The following DCLK1 variants were observed in gnomAD, a reference collection of about 807,000 sequenced individuals.
DCLK1 encodes the protein serine/threonine-protein kinase DCLK1.
DCLK1 carries 16 observed loss-of-function variants against 86.2 expected under a neutral mutation model. The observed-to-expected ratio is 0.19, with a 90% confidence interval of 0.13 to 0.28. The LOEUF is 0.28. Among genes scored for constraint, DCLK1 ranks in the 10% least tolerant of loss-of-function variants. The pLI is 1.00. For synonymous variants in DCLK1, 369 were observed against 370.5 expected (o/e 1.00, Z 0.05); for missense variants, 590 against 940.2 (o/e 0.63, Z 4.87).
At chr13:35,976,283 C>T (rs1384376666) in intron 3 of DCLK1, among the ~76,000 whole-genome samples, 1 of 152,060 alleles carries the variant, frequency 6.6e-6, no homozygotes, top group Non-Finnish European at 1.5e-5. Flanking sequence ...CGTGATGCTA[C>T]AGAGAGAGAG....
At chr13:36,089,072 C>G (rs1049820932) in intron 3 of DCLK1, among the ~76,000 whole-genome samples, 1 of 152,120 alleles carries the variant, frequency 6.6e-6, no homozygotes, top group African/African-American at 2.4e-5. Context: ...GGTGCAATTT[C>G]TATATTCAAG....
intron 4 of DCLK1, among the ~76,000 whole-genome samples, chr13:35,872,711 A>C (rs1872355375): frequency 6.6e-6 from 1 of 152,090 alleles, no homozygotes; most frequent in African/African-American, 2.4e-5. Flanking sequence ...AGCAATAGCT[A>C]TTTGTTCTTT....
chr13:35,823,674 T>C (rs1036590061), intron 10 of DCLK1, among the ~76,000 whole-genome samples: 1 of 152,352 alleles, frequency 6.6e-6, no homozygotes, highest in East Asian at 1.9e-4. Flanking sequence ...TTTCAGAGAA[T>C]TGGGGTCTGA....
chr13:35,862,999 C>T (rs943744355), intron 5 of DCLK1, among the ~76,000 whole-genome samples: 18 of 152,286 alleles, frequency 1.2e-4, no homozygotes, highest in Non-Finnish European at 2.1e-4. Context: ...TTCACTGCAC[C>T]TTTTCTATGT....
intron 15 of DCLK1, among the ~76,000 whole-genome samples, chr13:35,797,664 A>AAC (rs146313598): frequency 2.8e-4 from 43 of 151,026 alleles, no homozygotes; most frequent in East Asian, 1.4e-3. Flanking sequence ...CATACATGTA[A>AAC]ACACACACAC....
intron 16 of DCLK1, among the ~76,000 whole-genome samples, chr13:35,774,910 A>G (rs1431179688): frequency 6.6e-6 from 1 of 152,138 alleles, no homozygotes; most frequent in East Asian, 1.9e-4. Context: ...TGACATCTGC[A>G]GGCACAGGCA....
At chr13:35,981,948 A>G (rs1351367439) in intron 3 of DCLK1, among the ~76,000 whole-genome samples, 2 of 152,054 alleles carry the variant, frequency 1.3e-5, no homozygotes, top group African/African-American at 4.8e-5. Context: ...CCTTGCCAAC[A>G]CTTGTTATTT....
intron 3 of DCLK1, among the ~76,000 whole-genome samples, chr13:36,038,232 G>A (rs1372076532): frequency 6.6e-6 from 1 of 152,202 alleles, no homozygotes; most frequent in African/African-American, 2.4e-5. Context: ...CCAAAGATGG[G>A]TGTGAATGAA....
chr13:35,969,220 A>G (rs1878945481), intron 3 of DCLK1, among the ~76,000 whole-genome samples: 2 of 152,196 alleles, frequency 1.3e-5, no homozygotes, highest in Non-Finnish European at 2.9e-5. Context: ...GGCTGCCACA[A>G]AGATACATCC....
intron 3 of DCLK1, among the ~76,000 whole-genome samples, chr13:35,990,862 T>C (rs140226978): frequency 1.3e-5 from 2 of 152,330 alleles, no homozygotes; most frequent in Admixed American, 6.5e-5. Flanking sequence ...ATAAATTCTC[T>C]TGTACATAAT....
rs115646575 is a variant in DCLK1 at position 35,851,070 on chromosome 13, C to G, written c.1035+3429G>C. ...CTGAGGTCTGTAAAGGTCAACTCCA[C>G]TACTATGTGACTAGGCAATTCTTCC... On this transcript the variant is annotated intron_variant, in intron 6 of 16. Transcript: ENST00000360631. 5.5e-3 allele frequency among the ~76,000 whole-genome samples: 844 copies of G among 152,282 alleles called. 7 individuals carry two copies. The highest frequency in any genetic ancestry group is 0.02 in the African/African-American group (813 of 41,562).
intron 3 of DCLK1, among the ~76,000 whole-genome samples, chr13:36,018,013 C>T (rs1250104951): frequency 3.9e-5 from 6 of 152,210 alleles, no homozygotes; most frequent in African/African-American, 7.2e-5. Context: ...AATAACATCA[C>T]TCAGTTCTTC....
At chr13:36,003,785 T>C (rs1303640606) in intron 3 of DCLK1, among the ~76,000 whole-genome samples, 1 of 152,220 alleles carries the variant, frequency 6.6e-6, no homozygotes, top group Non-Finnish European at 1.5e-5. Context: ...ACGGCCATCC[T>C]GAAAAGATTG....
intron 4 of DCLK1, among the ~76,000 whole-genome samples, chr13:35,907,393 C>T (rs533192987): frequency 5.9e-5 from 9 of 152,154 alleles, no homozygotes; most frequent in African/African-American, 2.2e-4. Context: ...GAACTCCTGG[C>T]CTCAAGTGAT....
intron 3 of DCLK1, among the ~76,000 whole-genome samples, chr13:35,966,496 CT>C (rs1430028946): frequency 5.5e-5 from 7 of 127,488 alleles, no homozygotes; most frequent in Non-Finnish European, 8.4e-5. Context: ...CCCTCTCCCC[CT>C]CCCCCTCCCC....
At chr13:36,094,448 C>T (rs955700013) in intron 3 of DCLK1, among the ~76,000 whole-genome samples, 3 of 152,114 alleles carry the variant, frequency 2.0e-5, no homozygotes, top group Admixed American at 6.5e-5. Flanking sequence ...AAACCAGGAG[C>T]TATCAGCTGT....
rs569207413 is a variant in DCLK1 at position 35,783,498 on chromosome 13, A to G, written c.2059-8799T>C. Among the ~76,000 whole-genome samples, 392 of 152,168 alleles carry G rather than the reference A, an allele frequency of 2.6e-3. 1 individual carries two copies. The highest frequency in any genetic ancestry group is 9.2e-3 in the African/African-American group (380 of 41,510). On this transcript the variant is annotated intron_variant, in intron 16 of 16. Transcript: ENST00000360631. ...TACTGCAGGAAATGGGGCGGACTAG[A>G]TCCAAACCCAGGGCTTCTTGACTCC...
intron 3 of DCLK1, among the ~76,000 whole-genome samples, chr13:36,062,280 T>G (rs1883580137): frequency 6.6e-6 from 1 of 152,146 alleles, no homozygotes; most frequent in Admixed American, 6.6e-5. Flanking sequence ...AATCAAACAC[T>G]CCTAAATCAT....
At chr13:35,945,525 A>G (rs1385945367) in intron 4 of DCLK1, among the ~76,000 whole-genome samples, 2 of 152,198 alleles carry the variant, frequency 1.3e-5, no homozygotes, top group Non-Finnish European at 2.9e-5. Context: ...CATGTATTCC[A>G]GGTCGAGTTT....
Sources: allele counts gnomAD v4.1 joint callset (sites outside exome capture counted in the v4.1 genomes callset), GRCh38; gene constraint gnomAD v4.1.1; transcripts MANE v1.5; gene names NCBI Gene and HGNC (gene_info 2026-07-23, HGNC 2026-07-21).